LSM6: variants seen among roughly 807,000 people sequenced by gnomAD.
LSM6 encodes LSM6 homolog, U6 small nuclear RNA and mRNA degradation associated, also known as U6 snRNA-associated Sm-like protein LSm6.
A neutral mutation model predicts 13.5 loss-of-function variants in LSM6; 2 were observed. The observed-to-expected ratio is 0.15, with a 90% CI of 0.06 to 0.47. The LOEUF is 0.47. Ranked by LOEUF, LSM6 falls within the 20% of genes least tolerant of loss-of-function variation. The probability of loss-of-function intolerance (pLI) is 0.97; values close to 1 mark genes in which losing one functional copy is unlikely to be tolerated. For synonymous variants in LSM6, 43 were observed against 34.9 expected (o/e 1.23, Z -0.82); for missense variants, 58 against 96.4 (o/e 0.60, Z 1.67).
At chr4:146,183,411 A>C in intron 2 of LSM6, 1 of 187,890 alleles carries the variant, frequency 5.3e-6, no homozygotes. Flanking sequence ...TCATTTTACA[A>C]CCTGAATGTC....
chr4:146,187,515 A>G (rs1730374427), intron 3 of LSM6, 128 bp downstream of exon 3: 1 of 585,062 alleles, frequency 1.7e-6, no homozygotes, highest in South Asian at 2.6e-5. Flanking sequence ...AAATGCTTAT[A>G]TGTCAGATCT....
At chr4:146,176,745 C>A (rs763340888) in intron 1 of LSM6, 1 of 151,976 alleles carries the variant, frequency 6.6e-6, no homozygotes, top group Non-Finnish European at 1.5e-5. Flanking sequence ...GTAAATTATT[C>A]AGTCATTTCC....
intron 1 of LSM6, among the ~76,000 whole-genome samples, chr4:146,178,613 G>A (rs558793585): frequency 6.6e-6 from 1 of 152,316 alleles, no homozygotes; most frequent in Admixed American, 6.5e-5. Context: ...AAATACGCCA[G>A]GAGTAGGTAA....
chr4:146,177,239 A>G (rs556022227), intron 1 of LSM6, among the ~76,000 whole-genome samples: 1 of 152,306 alleles, frequency 6.6e-6, no homozygotes, highest in African/African-American at 2.4e-5. Context: ...CTGCCTCCCA[A>G]GTGAGTACTC....
Position 146,189,668 on chromosome 4 carries a change from G to A in LSM6, c.*12G>A. 1 of 1,592,124 alleles carries A rather than the reference G, an allele frequency of 6.3e-7. No individual in the cohort carries two copies. Among genetic ancestry groups the A allele is most frequent in the Non-Finnish European group, 8.6e-7 (1 of 1,168,430 alleles). ...AGAGACGGATGTGAAGACACCAAGAGAGCAACGCTTTTCATAGTTGGATAT... is the reference window on the plus strand; with the variant it reads ...AGAGACGGATGTGAAGACACCAAGAAAGCAACGCTTTTCATAGTTGGATAT... On this transcript the variant is annotated 3_prime_UTR_variant, in exon 4 of 4. Transcript: ENST00000296581.
intron 1 of LSM6, among the ~76,000 whole-genome samples, chr4:146,177,110 T>C (rs1730128586): frequency 6.6e-6 from 1 of 152,094 alleles, no homozygotes; most frequent in Non-Finnish European, 1.5e-5. Flanking sequence ...TAAGTGGTCA[T>C]CTGGCATAAC....
chr4:146,187,923 T>C (rs1730383813), intron 3 of LSM6, among the ~76,000 whole-genome samples: 1 of 152,238 alleles, frequency 6.6e-6, no homozygotes, highest in Non-Finnish European at 1.5e-5. Flanking sequence ...GTACCTAGTT[T>C]AAAAATGAAA....
chr4:146,179,224 A>T (rs1352159325), intron 1 of LSM6, among the ~76,000 whole-genome samples: 2 of 152,234 alleles, frequency 1.3e-5, no homozygotes, highest in African/African-American at 4.8e-5. Flanking sequence ...GAGAAGTTTT[A>T]CCAGGGTGAC....
chr4:146,189,063 C>T (rs1730410195), intron 3 of LSM6, among the ~76,000 whole-genome samples: 1 of 150,264 alleles, frequency 6.7e-6, no homozygotes. Flanking sequence ...AATCTCAGCT[C>T]ACTGCAGCCT....
intron 2 of LSM6, among the ~76,000 whole-genome samples, chr4:146,184,036 G>A (rs1441926846): frequency 6.6e-6 from 1 of 152,112 alleles, no homozygotes; most frequent in East Asian, 1.9e-4. Flanking sequence ...CAAGATCAAG[G>A]TGCCAGCAGG....
intron 1 of LSM6, among the ~76,000 whole-genome samples, chr4:146,179,322 C>T (rs1485079023): frequency 6.6e-6 from 1 of 152,148 alleles, no homozygotes; most frequent in East Asian, 1.9e-4. Context: ...GTTTCTTCTG[C>T]TTTATCCAAT....
chr4:146,184,186 C>T (rs1730296503), intron 2 of LSM6, among the ~76,000 whole-genome samples: 1 of 152,010 alleles, frequency 6.6e-6, no homozygotes, highest in Non-Finnish European at 1.5e-5. Flanking sequence ...TGGGCAAGTC[C>T]CCATGGTCTG....
intron 1 of LSM6, among the ~76,000 whole-genome samples, chr4:146,182,297 C>A (rs1336116709): frequency 6.6e-6 from 1 of 152,156 alleles, no homozygotes; most frequent in African/African-American, 2.4e-5. Flanking sequence ...GATTATAATT[C>A]TTTTCAGAGA....
chr4:146,177,112 T>C (rs1473318872), intron 1 of LSM6, among the ~76,000 whole-genome samples: 1 of 152,120 alleles, frequency 6.6e-6, no homozygotes, highest in Non-Finnish European at 1.5e-5. Context: ...AGTGGTCATC[T>C]GGCATAACTC....
At chr4:146,183,744 T>A (rs1294510242) in intron 2 of LSM6, 1 of 141,594 alleles carries the variant, frequency 7.1e-6, no homozygotes, top group Admixed American at 6.9e-5. Flanking sequence ...TTGTATTTTT[T>A]TTATTATTTA....
chr4:146,189,533 C>T, intron 3 of LSM6, 89 bp from the exon 4 acceptor site: 1 of 791,678 alleles, frequency 1.3e-6, no homozygotes, highest in Non-Finnish European at 2.1e-6. Context: ...ATGTATCAGA[C>T]CAAAATCTGT....
At chr4:146,188,191 T>A (rs1484012108) in intron 3 of LSM6, among the ~76,000 whole-genome samples, 2 of 152,232 alleles carry the variant, frequency 1.3e-5, no homozygotes, top group African/African-American at 2.4e-5. Flanking sequence ...ATCATATTTT[T>A]ACATACATTA....
chr4:146,179,631 C>T (rs958791920), intron 1 of LSM6, among the ~76,000 whole-genome samples: 3 of 152,110 alleles, frequency 2.0e-5, no homozygotes, highest in Admixed American at 6.5e-5. Flanking sequence ...CCCCTCTTGT[C>T]ATGTGGCTTA....
At chr4:146,181,837 CAT>C (rs1378512486) in intron 1 of LSM6, among the ~76,000 whole-genome samples, 3 of 152,100 alleles carry the variant, frequency 2.0e-5, no homozygotes, top group East Asian at 1.9e-4. Flanking sequence ...AACTTACCAA[CAT>C]ATTTTGAAAG....
Sources: gnomAD v4.1 joint callset for allele counts (sites outside exome capture counted in the v4.1 genomes callset) on GRCh38, gnomAD v4.1.1 for gene constraint, MANE v1.5 for transcripts, NCBI Gene and HGNC (gene_info 2026-07-23, HGNC 2026-07-21) for gene names.